The following DNAH14 variants were observed in gnomAD, a reference collection of about 807,000 sequenced individuals.
DNAH14 encodes the protein axonemal beta dynein heavy chain 14.
DNAH14 carries 478 observed loss-of-function variants against 520.9 expected under a neutral mutation model. The observed-to-expected ratio is 0.92, with a 90% CI of 0.85 to 0.99. DNAH14 has a LOEUF of 0.99. Ranked by LOEUF, DNAH14 falls within the 50% of genes least tolerant of loss-of-function variation. The pLI is 0.00. For synonymous variants in DNAH14, 1,581 were observed against 1,757.2 expected, an observed-to-expected ratio of 0.90 and a Z score of 2.51; for missense variants, 4,831 against 5,234.5, an observed-to-expected ratio of 0.92 and a Z score of 2.38.
At chr1:225,296,732 A>G (rs930001808) in intron 55 of DNAH14, among the ~76,000 whole-genome samples, 10 of 152,088 alleles carry the variant, frequency 6.6e-5, no homozygotes, top group African/African-American at 9.6e-5. Flanking sequence ...TTTCTCATTC[A>G]TTTCTGAAGG....
rs2087649522 is a variant in DNAH14 at position 225,206,949 on chromosome 1, T to C, written c.6187-19T>C. ...TTTTATTTATTTACATAAGATTATATTTTGCTCCTTATTATTAGGATCCTG... is the reference window on the plus strand; with the variant it reads ...TTTTATTTATTTACATAAGATTATACTTTGCTCCTTATTATTAGGATCCTG... On this transcript the variant is annotated intron_variant, in intron 40 of 85. Coordinates refer to ENST00000682510, the MANE Select transcript of DNAH14 (RefSeq NM_001367479.1). The C allele has an allele frequency of 4.8e-6, 7 of 1,456,218 alleles. No individual in the cohort carries two copies. Among genetic ancestry groups the C allele is most frequent in the Non-Finnish European group, 6.3e-6 (7 of 1,103,782 alleles). 90.2% of individuals were successfully genotyped at this position (1,456,218 alleles called of 1,614,324 possible). A position where few individuals can be genotyped will look rare whatever the true frequency, so the allele number is the denominator to read the frequency against.
rs566219338 is a variant in DNAH14 at position 225,122,802 on chromosome 1, C to G, written c.4167-725C>G. On this transcript the variant is annotated intron_variant, in intron 26 of 85. Transcript: ENST00000682510. Reference sequence around the variant, plus strand: ...ATGATAAAAAAACAAAAATAGATACCATTTGCAAGCACAACAAAAATTAAA... The same window carrying G: ...ATGATAAAAAAACAAAAATAGATACGATTTGCAAGCACAACAAAAATTAAA... Among the ~76,000 whole-genome samples, 8 of 152,024 alleles carry G rather than the reference C, an allele frequency of 5.3e-5. No homozygotes were observed. The South Asian group carries it at 1.7e-3, about 32-fold the overall frequency.
intron 17 of DNAH14, among the ~76,000 whole-genome samples, chr1:225,067,756 T>C (rs1490748169): frequency 6.6e-6 from 1 of 151,490 alleles, no homozygotes; most frequent in Non-Finnish European, 1.5e-5. Context: ...GTCGGCTGCA[T>C]GTAGTGACTG....
chr1:225,088,966 C>T (rs115020883), intron 21 of DNAH14, among the ~76,000 whole-genome samples: 1 of 152,118 alleles, frequency 6.6e-6, no homozygotes, highest in African/African-American at 2.4e-5. Flanking sequence ...TAAAACTTTC[C>T]TACAAGGAAT....
At chr1:225,259,595 A>C (rs1309618227) in intron 46 of DNAH14, among the ~76,000 whole-genome samples, 3 of 152,128 alleles carry the variant, frequency 2.0e-5, no homozygotes, top group Non-Finnish European at 4.4e-5. Context: ...ATTTTTTAGG[A>C]ATTTTGAAAT....
intron 28 of DNAH14, among the ~76,000 whole-genome samples, chr1:225,142,577 G>A (rs1290270008): frequency 6.6e-6 from 1 of 152,130 alleles, no homozygotes; most frequent in Non-Finnish European, 1.5e-5. Context: ...CTGATCCCAA[G>A]GTTTGGTAAG....
Position 225,295,999 on chromosome 1 carries a change from T to A in DNAH14, c.8470-4870T>A, listed in dbSNP as rs1272864314. ...ATTCCTTTATTATTATATAATGTCCTTTGTCTCTTTTTACAGCTTGACTAG... is the reference window on the plus strand; with the variant it reads ...ATTCCTTTATTATTATATAATGTCCATTGTCTCTTTTTACAGCTTGACTAG... On this transcript the variant is annotated intron_variant, in intron 55 of 85. Transcript: ENST00000682510. Among the ~76,000 whole-genome samples the A allele has an allele frequency of 2.0e-5, 3 of 152,192 alleles. No homozygotes were observed. In the East Asian group the frequency reaches 5.8e-4, roughly 29 times the overall value.
chr1:225,099,495 G>A (rs2075269344), intron 22 of DNAH14, among the ~76,000 whole-genome samples: 1 of 152,002 alleles, frequency 6.6e-6, no homozygotes, highest in African/African-American at 2.4e-5. Flanking sequence ...GTGGGTATAG[G>A]CCAGGATATT....
At chr1:225,004,606 G>A (rs554355566) in intron 9 of DNAH14, among the ~76,000 whole-genome samples, 1 of 152,290 alleles carries the variant, frequency 6.6e-6, no homozygotes, top group East Asian at 1.9e-4. Flanking sequence ...TAGGGCAGGG[G>A]CACTCCTAGT....
intron 21 of DNAH14, among the ~76,000 whole-genome samples, chr1:225,087,403 A>AG (rs2073940448): frequency 6.6e-6 from 1 of 152,242 alleles, no homozygotes; most frequent in African/African-American, 2.4e-5. Context: ...CACCATTGTT[A>AG]CAATGGCACT....
At chr1:225,335,685 G>A (rs111205887) in intron 66 of DNAH14, among the ~76,000 whole-genome samples, 2,865 of 26,348 alleles carry the variant, frequency 0.11, 659 homozygotes, top group Non-Finnish European at 0.12. Context: ...ATGTATATAC[G>A]CATATATACA....
At chr1:225,291,330 G>A (rs953700909) in intron 55 of DNAH14, among the ~76,000 whole-genome samples, 4 of 152,140 alleles carry the variant, frequency 2.6e-5, no homozygotes, top group African/African-American at 9.7e-5. Context: ...ACATGAGGGT[G>A]CAGATGTTTT....
Position 225,322,703 on chromosome 1 carries a change from G to C in DNAH14, c.9375G>C (p.Met3125Ile). The C allele has an allele frequency of 6.4e-7, 1 of 1,550,578 alleles. No homozygotes were observed. The highest frequency in any genetic ancestry group is 1.2e-5 in the South Asian group (1 of 83,968). ...TRPPFLVLTV[M>I]NAVCILLQKK... The stretch of plus-strand genomic sequence containing the variant: ...CTCCCTTCCTTGTACTGACTGTCAT[G>C]AATGCAGTGTGTATTCTTCTGCAAA... The change falls in exon 62 of 86, where the codon ATG becomes ATC. Residue 3125 changes from methionine (M) to isoleucine (I), a missense_variant. Met to Ile is a conservative substitution (Grantham distance 10). Coordinates refer to ENST00000682510, the MANE Select transcript of DNAH14 (RefSeq NM_001367479.1).
At chr1:225,059,510 C>T (rs2069680557) in intron 17 of DNAH14, among the ~76,000 whole-genome samples, 1 of 152,186 alleles carries the variant, frequency 6.6e-6, no homozygotes, top group Non-Finnish European at 1.5e-5. Flanking sequence ...TTAATTGGAG[C>T]ATTTAGCCCA....
intron 36 of DNAH14, among the ~76,000 whole-genome samples, chr1:225,182,307 T>C (rs973599028): frequency 2.0e-5 from 3 of 152,174 alleles, no homozygotes; most frequent in African/African-American, 7.2e-5. Context: ...GAAAAATGAT[T>C]ATTCACATAG....
At chr1:224,989,844 TTAA>T (rs1423101274) in intron 8 of DNAH14, among the ~76,000 whole-genome samples, 1 of 152,172 alleles carries the variant, frequency 6.6e-6, no homozygotes, top group African/African-American at 2.4e-5. Context: ...CTTTTGCCTG[TTAA>T]TAATGGTAAA....
At chr1:225,068,858 G>A (rs1182375977) in intron 17 of DNAH14, among the ~76,000 whole-genome samples, 15 of 1,172 alleles carry the variant, frequency 0.013, 7 homozygotes, top group Non-Finnish European at 0.025. Context: ...CGAGGCGGGC[G>A]GATCACGAGG....
chr1:225,153,544 G>T (rs1573541813), intron 33 of DNAH14, among the ~76,000 whole-genome samples: 1 of 144,374 alleles, frequency 6.9e-6, no homozygotes, highest in South Asian at 2.2e-4. Flanking sequence ...TTTAATATTT[G>T]TTAGTCTTTA....
intron 55 of DNAH14, among the ~76,000 whole-genome samples, chr1:225,299,325 G>A (rs118138184): frequency 0.013 from 1,950 of 152,214 alleles, 31 homozygotes; most frequent in East Asian, 0.05. Flanking sequence ...TTATGATCCA[G>A]ACATATATAG....
Sources: gnomAD v4.1 joint callset for allele counts (sites outside exome capture counted in the v4.1 genomes callset) on GRCh38, gnomAD v4.1.1 for gene constraint, MANE v1.5 for transcripts, NCBI Gene and HGNC (gene_info 2026-07-23, HGNC 2026-07-21) for gene names.